PCMT1: variants seen among roughly 807,000 people sequenced by gnomAD.
PCMT1 encodes the protein protein-L-isoaspartate(D-aspartate) O-methyltransferase.
A neutral mutation model predicts 29.2 loss-of-function variants in PCMT1; 9 were observed. The observed-to-expected ratio is 0.31, with a 90% CI of 0.19 to 0.54. PCMT1 has a LOEUF of 0.54. PCMT1 is among the 20% of genes least tolerant of loss of function. PCMT1 has a pLI of 0.95. For synonymous variants in PCMT1, 98 were observed against 97.5 expected (o/e 1.00, Z -0.03); for missense variants, 184 against 282.2 (o/e 0.65, Z 2.49).
intron 3 of PCMT1, among the ~76,000 whole-genome samples, chr6:149,783,107 T>G (rs2115284275): frequency 6.6e-6 from 1 of 152,296 alleles, no homozygotes; most frequent in East Asian, 1.9e-4. Flanking sequence ...AAAATACTCA[T>G]GTAGTCTCAA....
In PCMT1 at chr6:149,790,192, C is replaced by G. The variant is rs1365572168; in HGVS notation, c.297+134C>G. 3 of 607,628 alleles carry G rather than the reference C, an allele frequency of 4.9e-6. No individual in the cohort carries two copies. The African/African-American group carries it at 5.6e-5, about 11-fold the overall frequency. The allele number at this position is 607,628 out of a possible 1,614,324, so 37.6% of individuals were successfully genotyped here. ...AGGATAGCAGTTGGAATGAGCATCA[C>G]TTAGGATTTTGTTGTTGTTGCAAGT... On this transcript the variant is annotated intron_variant, in intron 4 of 7. Transcript: ENST00000464889.
At chr6:149,770,385 C>G (rs1787261440) in intron 1 of PCMT1, among the ~76,000 whole-genome samples, 1 of 152,062 alleles carries the variant, frequency 6.6e-6, no homozygotes, top group East Asian at 1.9e-4. Flanking sequence ...ACTCATTATC[C>G]TTCTAGTTTT....
chr6:149,788,404 G>C (rs1325227094), intron 3 of PCMT1, among the ~76,000 whole-genome samples: 1 of 152,142 alleles, frequency 6.6e-6, no homozygotes, highest in Non-Finnish European at 1.5e-5. Context: ...TGATTGTCAT[G>C]TCTTTTTAGT....
chr6:149,779,644 T>A (rs765243117), intron 3 of PCMT1, among the ~76,000 whole-genome samples: 17 of 152,058 alleles, frequency 1.1e-4, no homozygotes, highest in Non-Finnish European at 2.5e-4. Flanking sequence ...ATCCCGTCTC[T>A]ACTAAAAATA....
At chr6:149,768,590 A>G (rs1454177821) in intron 1 of PCMT1, among the ~76,000 whole-genome samples, 2 of 151,146 alleles carry the variant, frequency 1.3e-5, no homozygotes, top group Non-Finnish European at 2.9e-5. Context: ...AGCTGGGATC[A>G]CAGACATGAA....
intron 1 of PCMT1, among the ~76,000 whole-genome samples, chr6:149,756,899 A>G (rs1263142597): frequency 1.3e-5 from 2 of 152,034 alleles, no homozygotes; most frequent in Non-Finnish European, 2.9e-5. Context: ...TCATGCCTGT[A>G]ATCCTAGCAC....
At chr6:149,760,820 C>G (rs536535509) in intron 1 of PCMT1, among the ~76,000 whole-genome samples, 87 of 152,250 alleles carry the variant, frequency 5.7e-4, no homozygotes, top group African/African-American at 2.1e-3. Context: ...CCACTGCACT[C>G]CAGCCTGGCA....
chr6:149,763,021 A>G (rs1255691667), intron 1 of PCMT1, among the ~76,000 whole-genome samples: 1 of 64,906 alleles, frequency 1.5e-5, no homozygotes, highest in Non-Finnish European at 2.2e-5. Context: ...TATGATATAT[A>G]TGATATATCT....
intron 3 of PCMT1, among the ~76,000 whole-genome samples, chr6:149,774,633 G>A (rs976192559): frequency 6.7e-6 from 1 of 149,660 alleles, no homozygotes; most frequent in Non-Finnish European, 1.5e-5. Flanking sequence ...CACCTCCTAG[G>A]TTCAAGTAAT....
chr6:149,758,952 C>T (rs925985575), intron 1 of PCMT1, among the ~76,000 whole-genome samples: 6 of 152,248 alleles, frequency 3.9e-5, no homozygotes, highest in Admixed American at 6.5e-5. Context: ...TCTCGGCTCA[C>T]GACAACCTCC....
In PCMT1 at chr6:149,771,185, A is replaced by G. The variant is rs1051587017; in HGVS notation, c.79A>G (p.Lys27Glu). 6.2e-7 allele frequency: 1 copy of G among 1,610,530 alleles called. No homozygotes were observed. ...LRKNGIIKTD[K>E]VFEVMLATDR... ...AGAAAATGGAATCATCAAGACAGAT[A>G]AAGTATTTGAAGTGATGCTGGCTAC... Residue 27 changes from lysine (K) to glutamate (E), a missense_variant, in exon 2 of 8, where the codon AAA becomes GAA. Coordinates refer to ENST00000464889, the MANE Select transcript of PCMT1 (RefSeq NM_001360452.2).
chr6:149,752,937 G>A (rs937298694), intron 1 of PCMT1, among the ~76,000 whole-genome samples: 1 of 151,986 alleles, frequency 6.6e-6, no homozygotes, highest in East Asian at 1.9e-4. Flanking sequence ...TTTCTGTCAG[G>A]AAATTTAATA....
intron 1 of PCMT1, among the ~76,000 whole-genome samples, chr6:149,755,723 CTATATGA>C (rs1786480191): frequency 1.3e-5 from 2 of 152,104 alleles, no homozygotes; most frequent in East Asian, 3.8e-4. Context: ...TTAGTGCTTT[CTATATGA>C]CAGGCACTGG....
chr6:149,806,030 A>G (rs1776005095), intron 7 of PCMT1, among the ~76,000 whole-genome samples: 1 of 150,138 alleles, frequency 6.7e-6, no homozygotes, highest in African/African-American at 2.4e-5. Context: ...GGACTTTCTA[A>G]TTTTTCTGTT....
intron 7 of PCMT1, among the ~76,000 whole-genome samples, chr6:149,808,761 C>T (rs1442568284): frequency 6.6e-6 from 1 of 151,680 alleles, no homozygotes; most frequent in Non-Finnish European, 1.5e-5. Flanking sequence ...CTCAGCCTCC[C>T]GAATAGCTAG....
intron 5 of PCMT1, chr6:149,795,338 G>A (rs1244667637): frequency 1.3e-5 from 5 of 389,962 alleles, no homozygotes; most frequent in Non-Finnish European, 2.5e-5. Context: ...GGGAACAGCA[G>A]TAGAAACACT....
chr6:149,775,384 G>A (rs1029776396), intron 3 of PCMT1, among the ~76,000 whole-genome samples: 12 of 151,968 alleles, frequency 7.9e-5, no homozygotes, highest in African/African-American at 2.9e-4. Context: ...TTTTTGCGGA[G>A]AAAAAATGTT....
chr6:149,785,281 T>A (rs1242074476), intron 3 of PCMT1, among the ~76,000 whole-genome samples: 1 of 135,802 alleles, frequency 7.4e-6, no homozygotes, highest in Non-Finnish European at 1.5e-5. Context: ...AATAAGTAGT[T>A]GTTAATTTTT....
chr6:149,759,161 C>G (rs1270428411), intron 1 of PCMT1, among the ~76,000 whole-genome samples: 2 of 152,180 alleles, frequency 1.3e-5, no homozygotes, highest in Non-Finnish European at 2.9e-5. Context: ...AGGCGTGAGC[C>G]ACCGCGCCCG....
Sources: gnomAD v4.1 joint callset for allele counts (sites outside exome capture counted in the v4.1 genomes callset) on GRCh38, gnomAD v4.1.1 for gene constraint, MANE v1.5 for transcripts, NCBI Gene and HGNC (gene_info 2026-07-23, HGNC 2026-07-21) for gene names.